The following FABP12 variants were observed in gnomAD, a reference collection of about 807,000 sequenced individuals.
FABP12 encodes fatty acid binding protein 12, also known as fatty acid-binding protein 12.
Under a neutral mutation model 13.7 loss-of-function variants are expected in FABP12, and 19 were observed. That is an observed-to-expected ratio of 1.39 (90% confidence interval 0.97 to 2.04). FABP12 has a LOEUF of 2.04. Ranked by LOEUF, FABP12 falls within the 30% of genes most tolerant of loss-of-function variation. The pLI, the probability that FABP12 is intolerant of heterozygous loss-of-function variation, is 0.00. For synonymous variants in FABP12, 61 were observed against 57.0 expected, an observed-to-expected ratio of 1.07 and a Z score of -0.32; for missense variants, 182 against 164.2, an observed-to-expected ratio of 1.11 and a Z score of -0.59.
At chr8:81,531,381 A>G (rs947601103) in exon 2 of FABP12, 57 of 1,095,866 alleles carry the variant, frequency 5.2e-5, no homozygotes, top group Non-Finnish European at 7.1e-5. Context: ...TCCCTGAAGT[A>G]GTATGGGAAC....
chr8:81,582,118 ATTTTTT>A (rs34960860), intron 1 of FABP12, among the ~76,000 whole-genome samples: 2 of 96,788 alleles, frequency 2.1e-5, no homozygotes, highest in African/African-American at 3.8e-5. Context: ...GCTAACTGGA[ATTTTTT>A]TTTTTTTTTT....
At chr8:81,550,467 G>A (rs1220488267) in intron 1 of FABP12, among the ~76,000 whole-genome samples, 1 of 152,252 alleles carries the variant, frequency 6.6e-6, no homozygotes, top group East Asian at 1.9e-4. Context: ...CAGGAGACAT[G>A]TGATGTGAAG....
At chr8:81,577,794 AG>A (rs1810078183) in intron 1 of FABP12, among the ~76,000 whole-genome samples, 1 of 152,206 alleles carries the variant, frequency 6.6e-6, no homozygotes, top group Admixed American at 6.5e-5. Flanking sequence ...GAGGTCTTTC[AG>A]GGACACAATT....
intron 1 of FABP12, among the ~76,000 whole-genome samples, chr8:81,583,590 T>C (rs1810199449): frequency 6.6e-6 from 1 of 152,048 alleles, no homozygotes; most frequent in Non-Finnish European, 1.5e-5. Flanking sequence ...CTGGAAAGAC[T>C]GGGGGAAATG....
chr8:81,564,100 A>C (rs1190299141), intron 1 of FABP12, among the ~76,000 whole-genome samples: 1 of 152,204 alleles, frequency 6.6e-6, no homozygotes, highest in Non-Finnish European at 1.5e-5. Flanking sequence ...AAGACTTCTC[A>C]GTGGAAACCT....
At chr8:81,588,227 C>T (rs1322914372) in intron 1 of FABP12, among the ~76,000 whole-genome samples, 1 of 152,170 alleles carries the variant, frequency 6.6e-6, no homozygotes, top group Non-Finnish European at 1.5e-5. Flanking sequence ...AATTGACACT[C>T]AATATTAACC....
chr8:81,551,166 T>C (rs562506200), intron 1 of FABP12, among the ~76,000 whole-genome samples: 1 of 152,282 alleles, frequency 6.6e-6, no homozygotes, highest in African/African-American at 2.4e-5. Flanking sequence ...TAGGATCACC[T>C]GGAGAGCTGA....
chr8:81,544,297 C>T lies in FABP12; in HGVS notation c.-184-4554G>A, dbSNP rs186546753. 1.8e-4 allele frequency among the ~76,000 whole-genome samples: 27 copies of T among 152,244 alleles called. No individual in the cohort carries two copies. In the East Asian group the frequency reaches 5.0e-3, roughly 28 times the overall value. ...GTTCTGGAGGGTAGAAGTCTGAAAA[C>T]GAGATGTTGGCAGGGACATGCTCCC... is the stretch of plus-strand genomic sequence containing the variant. On this transcript the variant is annotated intron_variant, in intron 1 of 5. Coordinates refer to the FABP12 transcript ENST00000692030.
upstream of FABP12, among the ~76,000 whole-genome samples, chr8:81,537,007 ATAACT>A (rs1369241845): frequency 6.6e-6 from 1 of 152,222 alleles, no homozygotes; most frequent in African/African-American, 2.4e-5. Context: ...ACTGGGGATC[ATAACT>A]TAACAACTAC....
chr8:81,571,476 T>G (rs1396175800), intron 1 of FABP12, among the ~76,000 whole-genome samples: 1 of 152,214 alleles, frequency 6.6e-6, no homozygotes. Context: ...TCCCTCAGCC[T>G]CCTCTGCTGC....
At chr8:81,584,119 G>A (rs1244781502) in intron 1 of FABP12, among the ~76,000 whole-genome samples, 1 of 152,140 alleles carries the variant, frequency 6.6e-6, no homozygotes, top group Admixed American at 6.5e-5. Context: ...CAAAGAAAAA[G>A]CATTTGATAA....
At chr8:81,553,068 GT>G (rs1224935429) in intron 1 of FABP12, among the ~76,000 whole-genome samples, 1 of 152,132 alleles carries the variant, frequency 6.6e-6, no homozygotes, top group African/African-American at 2.4e-5. Flanking sequence ...TGTGACCATG[GT>G]GGAGATGGCT....
Position 81,580,534 on chromosome 8 carries a change from T to C in FABP12, c.-185+9519A>G, listed in dbSNP as rs1376794421. ...ACACAGGGTAAACAGACATTCAATA[T>C]GTTGGTAAAAATATAGACTTATCAC... On this transcript the variant is annotated intron_variant, in intron 1 of 5. Transcript: ENST00000692030. 3.5e-5 allele frequency among the ~76,000 whole-genome samples: 5 copies of C among 141,062 alleles called. No individual in the cohort carries two copies. The Admixed American group carries it at 3.8e-4, about 11-fold the overall frequency. 92.5% of individuals were successfully genotyped at this position (141,062 alleles called of 152,430 possible). A position where few individuals can be genotyped will look rare whatever the true frequency, so the allele number is the denominator to read the frequency against.
At chr8:81,559,246 C>G (rs1024532243) in intron 1 of FABP12, among the ~76,000 whole-genome samples, 2 of 152,198 alleles carry the variant, frequency 1.3e-5, no homozygotes, top group Non-Finnish European at 2.9e-5. Context: ...CACAACTTTG[C>G]AAGTCTAGAC....
chr8:81,553,863 G>C (rs190705838), intron 1 of FABP12, among the ~76,000 whole-genome samples: 1 of 152,292 alleles, frequency 6.6e-6, no homozygotes, highest in East Asian at 1.9e-4. Flanking sequence ...GGATGCTACA[G>C]GGTCACTGTT....
chr8:81,554,735 C>A (rs953975241), intron 1 of FABP12, among the ~76,000 whole-genome samples: 2 of 151,914 alleles, frequency 1.3e-5, no homozygotes, highest in Non-Finnish European at 2.9e-5. Context: ...CTTCCCTGGG[C>A]CCCATTGAAA....
intron 1 of FABP12, among the ~76,000 whole-genome samples, chr8:81,550,715 T>C (rs1349181588): frequency 6.6e-6 from 1 of 152,132 alleles, no homozygotes; most frequent in Non-Finnish European, 1.5e-5. Flanking sequence ...CATATAGAAA[T>C]GACAGAGGGA....
intron 1 of FABP12, among the ~76,000 whole-genome samples, chr8:81,577,014 G>A (rs189946677): frequency 1.3e-5 from 2 of 152,318 alleles, no homozygotes; most frequent in East Asian, 3.9e-4. Context: ...AAACATTTGA[G>A]CATCCCTAAT....
At chr8:81,525,241 C>A in intron 4 of FABP12, 121 bp from the exon 5 acceptor site, 3 of 649,932 alleles carry the variant, frequency 4.6e-6, no homozygotes, top group South Asian at 2.0e-5. Context: ...AGAGGCCGGG[C>A]GCGGTGGCTC....
Sources: gnomAD v4.1 joint callset for allele counts (sites outside exome capture counted in the v4.1 genomes callset) on GRCh38, gnomAD v4.1.1 for gene constraint, MANE v1.5 for transcripts, NCBI Gene and HGNC (gene_info 2026-07-23, HGNC 2026-07-21) for gene names.